PTOV1: variants seen among roughly 807,000 people sequenced by gnomAD.
The protein encoded by PTOV1 is PTOV1 extended AT-hook containing adaptor protein.
A neutral mutation model predicts 58.0 loss-of-function variants in PTOV1; 20 were observed. The observed-to-expected ratio is 0.34, with a 90% CI of 0.24 to 0.50. PTOV1 has a LOEUF of 0.50. Ranked by LOEUF, PTOV1 falls within the 20% of genes least tolerant of loss-of-function variation. The pLI, the probability that PTOV1 is intolerant of heterozygous loss-of-function variation, is 0.98. For synonymous variants in PTOV1, 335 were observed against 234.2 expected, an observed-to-expected ratio of 1.43 and a Z score of -3.93; for missense variants, 593 against 565.4, an observed-to-expected ratio of 1.05 and a Z score of -0.50.
Position 49,854,647 on chromosome 19 carries a change from C to G in PTOV1, c.310-5C>G, listed in dbSNP as rs201103722. 1.8e-4 allele frequency: 291 copies of G among 1,613,422 alleles called. No homozygotes were observed. Among genetic ancestry groups the G allele is most frequent in the Non-Finnish European group, 2.4e-4 (279 of 1,179,944 alleles). ...TGCACAGTGACGCCCCTCCTGCCCC[C>G]ACAGAAGCGCAGACCCTACTCTGAC... On this transcript the variant is annotated splice_polypyrimidine_tract_variant and splice_region_variant and intron_variant, in intron 2 of 11. Coordinates refer to ENST00000391842, the Ensembl canonical transcript of PTOV1.
At chr19:49,851,771 G>A (rs2074260407) in intron 1 of PTOV1, 2 of 1,077,112 alleles carry the variant, frequency 1.9e-6, no homozygotes, top group Admixed American at 5.3e-5. Context: ...CGATTTAAAC[G>A]CGGGCTGGGG....
At chr19:49,857,055 C>T (rs1046596920) in exon 6 of PTOV1, 7 of 1,614,132 alleles carry the variant, frequency 4.3e-6, no homozygotes, top group Non-Finnish European at 5.9e-6. Context: ...AGAAGAAGAT[C>T]TTCATGGGCC....
chr19:49,857,326 C>A, intron 6 of PTOV1, 196 bp downstream of exon 6: 2 of 765,742 alleles, frequency 2.6e-6, no homozygotes, highest in Non-Finnish European at 4.1e-6. Context: ...CTCTGCAGGG[C>A]TGGAGGGTGG....
exon 10 of PTOV1, chr19:49,858,567 T>A (rs765276837): frequency 5.6e-6 from 9 of 1,603,204 alleles, no homozygotes; most frequent in Non-Finnish European, 7.7e-6. Context: ...AGTGCCGCTG[T>A]TCCGGAACTC....
At chr19:49,855,350 C>T (rs2074417264) in intron 5 of PTOV1, 1 of 498,742 alleles carries the variant, frequency 2.0e-6, no homozygotes, top group Non-Finnish European at 3.7e-6. Flanking sequence ...GGACTGGGGC[C>T]AGCCCTGTTG....
chr19:49,856,788 T>G (rs116678199), intron 5 of PTOV1, 187 bp from the exon 6 acceptor site: 1 of 666,624 alleles, frequency 1.5e-6, no homozygotes, highest in Non-Finnish European at 2.5e-6. Context: ...CATGGCAGGG[T>G]CGGGGGATGC....
intron 5 of PTOV1, chr19:49,855,538 G>A (rs2074425790): frequency 5.0e-6 from 1 of 198,202 alleles, no homozygotes; most frequent in Non-Finnish European, 1.1e-5. Flanking sequence ...AGCTGAGGGT[G>A]CTGAAGCAGG....
At chr19:49,853,998 G>A (rs753723029) in intron 1 of PTOV1, among the ~76,000 whole-genome samples, 5 of 152,246 alleles carry the variant, frequency 3.3e-5, no homozygotes, top group Admixed American at 6.5e-5. Context: ...AGCGCAAGCC[G>A]GCTTGTGCCT....
intron 6 of PTOV1, 172 bp downstream of exon 6, chr19:49,857,302 C>G: frequency 1.1e-6 from 1 of 943,186 alleles, no homozygotes; most frequent in Non-Finnish European, 1.6e-6. Context: ...CATGGAAAAG[C>G]GGCCACTGGG....
At chr19:49,853,296 T>C (rs1356135767) in intron 1 of PTOV1, 2 of 152,240 alleles carry the variant, frequency 1.3e-5, no homozygotes, top group African/African-American at 4.8e-5. Context: ...CTCTCGTGGG[T>C]TTCCTGCTGC....
At chr19:49,851,499 G>C in exon 1 of PTOV1, 1 of 1,215,452 alleles carries the variant, frequency 8.2e-7, no homozygotes, top group Non-Finnish European at 1.0e-6. Context: ...CCCCTCCCAT[G>C]GTGAGCCCCC....
At chr19:49,858,732 G>C in intron 10 of PTOV1, 79 bp downstream of exon 10, 2 of 1,182,434 alleles carry the variant, frequency 1.7e-6, no homozygotes, top group Non-Finnish European at 2.4e-6. Flanking sequence ...GCGGACATGG[G>C]AGAGGAACAG....
At chr19:49,855,070 A>G (rs1318239362) in exon 5 of PTOV1, 1 of 1,591,214 alleles carries the variant, frequency 6.3e-7, no homozygotes, top group Non-Finnish European at 8.6e-7. Flanking sequence ...ATCATGGGCA[A>G]CGGCTTCGTG....
At position 49,858,120 on chromosome 19, in the gene PTOV1, G is replaced by A. The variant is rs376581280; in HGVS notation, c.936+6G>A. Reference sequence around the variant, plus strand: ...TCATCCCGCAGCAGCTGCTGGTGAGGGGCTGGGGCCGGGTGCTGGAGCCTG... The same window carrying A: ...TCATCCCGCAGCAGCTGCTGGTGAGAGGCTGGGGCCGGGTGCTGGAGCCTG... On this transcript the variant is annotated splice_donor_region_variant and intron_variant, in intron 9 of 11. Coordinates refer to ENST00000391842, the Ensembl canonical transcript of PTOV1. The A allele has an allele frequency of 5.1e-5, 83 of 1,612,718 alleles. No homozygotes were observed. Among genetic ancestry groups the A allele is most frequent in the Admixed American group, 3.7e-4 (22 of 59,984 alleles).
chr19:49,851,944 TC>T (rs11333244), intron 1 of PTOV1: 985,436 of 985,442 alleles, frequency 1, 492,715 homozygotes, highest in Middle Eastern at 1. Flanking sequence ...GTGGGCGTTC[TC>T]CCCTGGCGGC....
Position 49,860,276 on chromosome 19 carries a change from G to T in PTOV1, c.1248G>T (p.Gly416=), listed in dbSNP as rs758476530. 3.2e-5 allele frequency: 51 copies of T among 1,613,376 alleles called. No individual in the cohort carries two copies. In the South Asian group the frequency reaches 4.7e-4, roughly 15 times the overall value. ...CTGATTTCTCGCCGTAGATGGGGGGGTAGTGGTTACCCCGGGCTGGGCCCC... is the reference window on the plus strand; with the variant it reads ...CTGATTTCTCGCCGTAGATGGGGGGTTAGTGGTTACCCCGGGCTGGGCCCC... Residue 416 remains glycine, a synonymous_variant, in exon 12 of 12, where the codon GGG becomes GGT. Coordinates refer to ENST00000391842, the Ensembl canonical transcript of PTOV1.
At chr19:49,860,596 C>A in exon 12 of PTOV1, 2 of 528,338 alleles carry the variant, frequency 3.8e-6, no homozygotes, top group Non-Finnish European at 6.7e-6. Context: ...GCAGCCCCCA[C>A]TGCACCCCTG....
At chr19:49,860,513 G>A (rs188707947) in exon 12 of PTOV1, 1 of 651,674 alleles carries the variant, frequency 1.5e-6, no homozygotes, top group Non-Finnish European at 2.6e-6. Context: ...CATGGGAGGT[G>A]GTATCCAGGC....
chr19:49,858,807 C>G (rs1363436406), intron 10 of PTOV1, 154 bp downstream of exon 10: 2 of 647,954 alleles, frequency 3.1e-6, no homozygotes, highest in African/African-American at 1.8e-5. Context: ...TCTGGGGGCT[C>G]TGTGCTGTCC....
Sources: allele counts gnomAD v4.1 joint callset (sites outside exome capture counted in the v4.1 genomes callset), GRCh38; gene constraint gnomAD v4.1.1; transcripts MANE v1.5; gene names NCBI Gene and HGNC (gene_info 2026-07-23, HGNC 2026-07-21).